The following SRFBP1 variants were observed in gnomAD, a reference collection of about 807,000 sequenced individuals.
The protein encoded by SRFBP1 is serum response factor binding protein 1, also known as serum response factor-binding protein 1.
In SRFBP1, 47 loss-of-function variants were observed where a neutral mutation model predicts 45.5. The ratio of observed to expected loss-of-function variants is 1.03; its 90% CI spans 0.82 to 1.32. The LOEUF (loss-of-function observed/expected upper bound fraction) is 1.32, where lower values mean the gene tolerates loss of function less well. SRFBP1 is among the 40% of genes most tolerant of loss of function. The pLI is 0.00. For synonymous variants in SRFBP1, 203 were observed against 166.3 expected (o/e 1.22, Z -1.70); for missense variants, 621 against 484.6 (o/e 1.28, Z -2.64).
rs570665691 is a variant in SRFBP1, at chr5:121,992,383, TTTG to T, written c.199-2201_199-2199del. Among the ~76,000 whole-genome samples, 9 of 152,170 alleles carry T rather than the reference TTTG, an allele frequency of 5.9e-5. No individual in the cohort carries two copies. In the East Asian group the frequency reaches 9.6e-4, roughly 16 times the overall value. The stretch of plus-strand genomic sequence containing the variant: ...CCACCATTTCCCACACTTTCGTTTT[TTTG>T]TTGTTGTTGTTGTTTTGTTTTGTTT... On this transcript the variant is annotated intron_variant, in intron 3 of 7. Coordinates refer to ENST00000339397, the MANE Select transcript of SRFBP1 (RefSeq NM_152546.3).
In SRFBP1 at chr5:122,027,032, C is replaced by T; in HGVS notation, c.1196C>T (p.Pro399Leu). 1.2e-6 allele frequency: 2 copies of T among 1,612,656 alleles called. No individual in the cohort carries two copies. The highest frequency in any genetic ancestry group is 2.2e-5 in the South Asian group (2 of 90,990). The change falls in exon 8 of 8, where the codon CCT becomes CTT. Residue 399 changes from proline to leucine, a missense_variant. Physicochemically the swap from Pro to Leu is moderately conservative, Grantham distance 98 (BLOSUM62 -3). Coordinates refer to ENST00000339397, the MANE Select transcript of SRFBP1 (RefSeq NM_152546.3). ...LENTKQQLQL[P>L]LHPSWEASRR... Reference sequence around the variant, plus strand: ...AATACAAAACAGCAATTGCAGCTGCCTCTTCATCCTTCATGGGAAGCAAGC... The same window carrying T: ...AATACAAAACAGCAATTGCAGCTGCTTCTTCATCCTTCATGGGAAGCAAGC...
chr5:122,077,290 G>C, downstream of SRFBP1: 2 of 1,601,988 alleles, frequency 1.2e-6, no homozygotes, highest in Non-Finnish European at 8.5e-7. This position sits in a 1 kb window ranked among gnomAD's most constrained non-coding sequence, Gnocchi z 4.9. Context: ...AGGCAGCCAC[G>C]TCGAGAAGCC....
intron 2 of SRFBP1, among the ~76,000 whole-genome samples, chr5:122,038,856 G>C (rs906906805): frequency 1.9e-4 from 29 of 152,074 alleles, no homozygotes; most frequent in Non-Finnish European, 4.3e-4. Flanking sequence ...ATCATTAAAC[G>C]TACTTTGGGG....
chr5:121,997,960 T>A (rs1293143897), intron 4 of SRFBP1, among the ~76,000 whole-genome samples: 8 of 150,422 alleles, frequency 5.3e-5, no homozygotes, highest in African/African-American at 1.5e-4. Flanking sequence ...TCAAAACCAC[T>A]ATGAGATACC....
intron 2 of SRFBP1, among the ~76,000 whole-genome samples, chr5:122,052,320 C>G (rs1401985367): frequency 6.6e-6 from 1 of 152,148 alleles, no homozygotes; most frequent in Admixed American, 6.5e-5. Context: ...AGTTTTCATG[C>G]ATGATATTCT....
At chr5:122,035,380 C>T (rs936951013) in intron 2 of SRFBP1, among the ~76,000 whole-genome samples, 2 of 152,124 alleles carry the variant, frequency 1.3e-5, no homozygotes, top group South Asian at 4.1e-4. Context: ...TTCATAGTCT[C>T]AAGTTAGCCC....
chr5:121,964,348 C>A (rs1385388721), intron 1 of SRFBP1, among the ~76,000 whole-genome samples: 1 of 152,032 alleles, frequency 6.6e-6, no homozygotes, highest in Non-Finnish European at 1.5e-5. Context: ...CTCCCCCTTT[C>A]CCCCCACCCG....
intron 3 of SRFBP1, among the ~76,000 whole-genome samples, chr5:121,987,415 G>A (rs1752540457): frequency 6.6e-6 from 1 of 152,110 alleles, no homozygotes; most frequent in Non-Finnish European, 1.5e-5. Context: ...TAACTTTATT[G>A]AAGTTTCATC....
chr5:122,063,004 A>G lies in SRFBP1; in HGVS notation n.312-12311A>G, dbSNP rs372979077. Reference sequence around the variant, plus strand: ...TGGTACTGGTGATAAAAGTTTATGTATGACAGTGTCTACTTAAAACATCAG... The same window carrying G: ...TGGTACTGGTGATAAAAGTTTATGTGTGACAGTGTCTACTTAAAACATCAG... On this transcript the variant is annotated intron_variant and non_coding_transcript_variant, in intron 2 of 2. Coordinates refer to the SRFBP1 transcript ENST00000504881. Among the ~76,000 whole-genome samples the G allele has an allele frequency of 4.6e-5, 7 of 152,072 alleles. No homozygotes were observed. In the East Asian group the frequency reaches 1.4e-3, roughly 29 times the overall value.
chr5:122,030,977 C>T (rs1675806550), downstream of SRFBP1, among the ~76,000 whole-genome samples: 4 of 152,056 alleles, frequency 2.6e-5, no homozygotes, highest in South Asian at 8.3e-4. Context: ...CAGGAAAAAG[C>T]TGAGAAGGCC....
chr5:121,964,935 A>C (rs377670434), intron 1 of SRFBP1, among the ~76,000 whole-genome samples: 1 of 152,176 alleles, frequency 6.6e-6, no homozygotes, highest in Non-Finnish European at 1.5e-5. Flanking sequence ...GCATATCTCT[A>C]ATGACCACTG....
chr5:122,025,715 T>G (rs1200431453), intron 7 of SRFBP1, among the ~76,000 whole-genome samples: 2 of 152,208 alleles, frequency 1.3e-5, no homozygotes, highest in Non-Finnish European at 2.9e-5. Context: ...TGTTTTGATT[T>G]CTGTCTAGAT....
chr5:122,021,135 AG>A (rs1461656380), intron 6 of SRFBP1, among the ~76,000 whole-genome samples: 1 of 152,242 alleles, frequency 6.6e-6, no homozygotes, highest in African/African-American at 2.4e-5. Context: ...CTTTCTAAAC[AG>A]AACTTTCTGA....
intron 2 of SRFBP1, among the ~76,000 whole-genome samples, chr5:122,071,429 G>T (rs922695231): frequency 6.6e-6 from 1 of 152,214 alleles, no homozygotes; most frequent in South Asian, 2.1e-4. Flanking sequence ...ACTGAAATAT[G>T]ACATATTTTG....
At chr5:121,967,919 A>T (rs1580496023) in intron 1 of SRFBP1, among the ~76,000 whole-genome samples, 1 of 152,234 alleles carries the variant, frequency 6.6e-6, no homozygotes, top group African/African-American at 2.4e-5. Flanking sequence ...AGATCTTCTT[A>T]TAATCTACTT....
chr5:121,978,747 C>G (rs1463847259), intron 3 of SRFBP1, among the ~76,000 whole-genome samples: 1 of 152,162 alleles, frequency 6.6e-6, no homozygotes, highest in African/African-American at 2.4e-5. Flanking sequence ...CCACCTCGGC[C>G]TCCCATAGTA....
chr5:122,032,163 G>A (rs6893007), downstream of SRFBP1, among the ~76,000 whole-genome samples: 1,608 of 152,194 alleles, frequency 0.011, 28 homozygotes, highest in African/African-American at 0.036. Flanking sequence ...TTCCCTGGGT[G>A]AATACTGGTT....
intron 1 of SRFBP1, among the ~76,000 whole-genome samples, chr5:121,973,737 T>C (rs571224460): frequency 1.3e-5 from 2 of 151,988 alleles, no homozygotes; most frequent in South Asian, 4.1e-4. Context: ...AAGATTTGTT[T>C]TATAAATATG....
chr5:122,078,191 CT>C, downstream of SRFBP1: 1 of 457,138 alleles, frequency 2.2e-6, no homozygotes, highest in Non-Finnish European at 3.7e-6. Flanking sequence ...GCACCCTTCC[CT>C]TTCCCCTTTC....
Sources: gnomAD v4.1 joint callset for allele counts (sites outside exome capture counted in the v4.1 genomes callset) on GRCh38, gnomAD v4.1.1 for gene constraint, Gnocchi (gnomAD v3.1) non-coding constraint, MANE v1.5 for transcripts, NCBI Gene and HGNC (gene_info 2026-07-23, HGNC 2026-07-21) for gene names.